Variants in CLMP observed in about 807,000 individuals in gnomAD.
CLMP encodes CXADR like cell adhesion molecule.
A neutral mutation model predicts 45.2 loss-of-function variants in CLMP; 27 were observed. That is an observed-to-expected ratio of 0.60 (90% CI 0.44 to 0.82). CLMP has a LOEUF of 0.82. CLMP is among the 40% of genes least tolerant of loss of function. CLMP has a pLI of 0.00. For missense variants in CLMP, 403 were observed against 448.4 expected (o/e 0.90, Z 0.91); for synonymous variants, 167 against 171.4 (o/e 0.97, Z 0.20).
At chr11:123,076,639 A>G (rs1000349181) in intron 5 of CLMP, among the ~76,000 whole-genome samples, 1 of 152,158 alleles carries the variant, frequency 6.6e-6, no homozygotes, top group African/African-American at 2.4e-5. Context: ...CAGCAAGTAC[A>G]ATTAATGTGA....
rs557685270 is a variant in CLMP, at chr11:123,073,359, T to C, written c.*115A>G. 10 of 1,164,364 alleles carry C rather than the reference T, an allele frequency of 8.6e-6. No individual in the cohort carries two copies. The African/African-American group carries it at 1.6e-4, about 18-fold the overall frequency. 72.1% of individuals were successfully genotyped at this position (1,164,364 alleles called of 1,614,324 possible). A position where few individuals can be genotyped will look rare whatever the true frequency, so the allele number is the denominator to read the frequency against. On this transcript the variant is annotated 3_prime_UTR_variant, in exon 7 of 7. Coordinates refer to ENST00000448775, the MANE Select transcript of CLMP (RefSeq NM_024769.5). ...TGAATCTGTTCCGTGCAATGCTCACTGCTACTTAGATGACCTCTCATCTGG... is the reference window on the plus strand; with the variant it reads ...TGAATCTGTTCCGTGCAATGCTCACCGCTACTTAGATGACCTCTCATCTGG...
chr11:123,107,446 G>T (rs1860576666), intron 1 of CLMP, among the ~76,000 whole-genome samples: 1 of 151,746 alleles, frequency 6.6e-6, no homozygotes, highest in Non-Finnish European at 1.5e-5. Flanking sequence ...GGCCAGGCTG[G>T]TCTCAAAGTC....
chr11:123,170,442 CTT>C (rs11463797), intron 1 of CLMP, among the ~76,000 whole-genome samples: 5 of 140,670 alleles, frequency 3.6e-5, no homozygotes, highest in Admixed American at 7.1e-5. Flanking sequence ...ATGAAACCTG[CTT>C]TTTTTTTTTT....
intron 1 of CLMP, among the ~76,000 whole-genome samples, chr11:123,102,707 C>CTTTTTTTTTTTTTT (rs34392557): frequency 5.0e-4 from 47 of 93,286 alleles, no homozygotes; most frequent in African/African-American, 6.9e-4. Flanking sequence ...TCCCGAGTAG[C>CTTTTTTTTTTTTTT]TTTTTTTTTT....
At chr11:123,077,153 C>T (rs1013541959) in intron 5 of CLMP, among the ~76,000 whole-genome samples, 4 of 151,258 alleles carry the variant, frequency 2.6e-5, no homozygotes, top group Non-Finnish European at 2.9e-5. Flanking sequence ...CGTGCACCAC[C>T]ATGGCCAGCT....
At chr11:123,173,171 T>C (rs181633087) in intron 1 of CLMP, among the ~76,000 whole-genome samples, 5 of 152,372 alleles carry the variant, frequency 3.3e-5, no homozygotes, top group Admixed American at 2.0e-4. Flanking sequence ...AGCTCGGTTC[T>C]GGGACAGGAT....
In CLMP at chr11:123,085,863, G is replaced by C. The variant is rs145982247; in HGVS notation, c.187-1150C>G. Among the ~76,000 whole-genome samples the C allele has an allele frequency of 4.1e-3, 604 of 148,208 alleles. 3 individuals carry two copies. The highest frequency in any genetic ancestry group is 0.014 in the African/African-American group (576 of 40,214). ...GCGATCCTGGCTCACTGCAACCTCTGTCTCCTGGGTTCAAGCAATTCTTCT... is the reference window on the plus strand; with the variant it reads ...GCGATCCTGGCTCACTGCAACCTCTCTCTCCTGGGTTCAAGCAATTCTTCT... On this transcript the variant is annotated intron_variant, in intron 2 of 6. Coordinates refer to ENST00000448775, the MANE Select transcript of CLMP (RefSeq NM_024769.5).
chr11:123,103,587 T>A (rs1284140903), intron 1 of CLMP, among the ~76,000 whole-genome samples: 4 of 152,122 alleles, frequency 2.6e-5, no homozygotes, highest in Non-Finnish European at 4.4e-5. Context: ...CAGGGAGCCA[T>A]GAGATCAGGG....
At chr11:123,189,327 C>T (rs1173859869) in intron 1 of CLMP, among the ~76,000 whole-genome samples, 1 of 152,078 alleles carries the variant, frequency 6.6e-6, no homozygotes, top group Non-Finnish European at 1.5e-5. Flanking sequence ...TTTTGGAATC[C>T]AAAGTCCTGG....
chr11:123,132,094 A>ATG (rs1009245249), intron 1 of CLMP, among the ~76,000 whole-genome samples: 1 of 152,236 alleles, frequency 6.6e-6, no homozygotes, highest in African/African-American at 2.4e-5. Context: ...GGGGGGGTCT[A>ATG]TGTGTAAGAA....
chr11:123,177,476 T>C (rs1260720692), intron 1 of CLMP, among the ~76,000 whole-genome samples: 5 of 152,174 alleles, frequency 3.3e-5, no homozygotes, highest in Non-Finnish European at 7.3e-5. Context: ...CCCCAAGGAC[T>C]TAATGGTAAA....
chr11:123,075,526 A>G (rs1170574830), intron 5 of CLMP, among the ~76,000 whole-genome samples: 2 of 151,910 alleles, frequency 1.3e-5, no homozygotes, highest in East Asian at 2.0e-4. Flanking sequence ...AGCTGGGACT[A>G]CAGACGCCCG....
chr11:123,107,248 T>C (rs1247639322), intron 1 of CLMP, among the ~76,000 whole-genome samples: 1 of 150,522 alleles, frequency 6.6e-6, no homozygotes, highest in Non-Finnish European at 1.5e-5. Context: ...TTTTTTTAAT[T>C]TAGACGGAGT....
At chr11:123,152,393 G>A (rs1045272668) in intron 1 of CLMP, among the ~76,000 whole-genome samples, 4 of 151,888 alleles carry the variant, frequency 2.6e-5, no homozygotes, top group Admixed American at 6.6e-5. Flanking sequence ...CATGTTGGTG[G>A]GCACCTGTAA....
intron 1 of CLMP, among the ~76,000 whole-genome samples, chr11:123,174,440 G>A (rs1861673668): frequency 6.6e-6 from 1 of 152,220 alleles, no homozygotes; most frequent in Non-Finnish European, 1.5e-5. Context: ...CCTGAATCCA[G>A]CTTCTCTTCC....
At chr11:123,159,406 G>A (rs1037614140) in intron 1 of CLMP, among the ~76,000 whole-genome samples, 4 of 152,196 alleles carry the variant, frequency 2.6e-5, no homozygotes, top group African/African-American at 7.2e-5. Context: ...GGTGGGTGAG[G>A]AGGCTACAGT....
intron 1 of CLMP, among the ~76,000 whole-genome samples, chr11:123,165,573 C>A (rs1861545638): frequency 6.6e-6 from 1 of 152,142 alleles, no homozygotes; most frequent in African/African-American, 2.4e-5. Context: ...TCCATGGTGT[C>A]CATGGTGACC....
intron 1 of CLMP, among the ~76,000 whole-genome samples, chr11:123,186,482 C>A (rs1426313463): frequency 4.0e-5 from 6 of 151,798 alleles, no homozygotes; most frequent in Non-Finnish European, 7.4e-5. Flanking sequence ...AAGTTGCTCT[C>A]CCAGAGTAGC....
chr11:123,098,394 A>T (rs1866015198), intron 1 of CLMP, among the ~76,000 whole-genome samples: 1 of 151,692 alleles, frequency 6.6e-6, no homozygotes, highest in Admixed American at 6.6e-5. Flanking sequence ...CACCCAGCTA[A>T]TTTTTGTATT....
Sources: allele counts gnomAD v4.1 joint callset (sites outside exome capture counted in the v4.1 genomes callset), GRCh38; gene constraint gnomAD v4.1.1; transcripts MANE v1.5; gene names NCBI Gene and HGNC (gene_info 2026-07-23, HGNC 2026-07-21).